Variants in CNTNAP5 observed in about 807,000 individuals in gnomAD.
The protein encoded by CNTNAP5 is contactin-associated protein-like 5.
CNTNAP5 carries 72 observed loss-of-function variants against 150.2 expected under a neutral mutation model. That is an observed-to-expected ratio of 0.48 (90% CI 0.40 to 0.58). CNTNAP5 has a LOEUF of 0.58. Ranked by LOEUF, CNTNAP5 falls within the 20% of genes least tolerant of loss-of-function variation. The pLI is 0.00. For synonymous variants in CNTNAP5, 672 were observed against 619.8 expected, an observed-to-expected ratio of 1.08 and a Z score of -1.25; for missense variants, 1,636 against 1,626.2, an observed-to-expected ratio of 1.01 and a Z score of -0.10.
At chr2:124,362,258 A>G (rs1333360643) in intron 3 of CNTNAP5, among the ~76,000 whole-genome samples, 1 of 152,212 alleles carries the variant, frequency 6.6e-6, no homozygotes, top group Non-Finnish European at 1.5e-5. Flanking sequence ...AAATGCAGAA[A>G]TCACCCGTCT....
chr2:124,254,548 G>C (rs1687262661), intron 3 of CNTNAP5, among the ~76,000 whole-genome samples: 1 of 152,178 alleles, frequency 6.6e-6, no homozygotes, highest in South Asian at 2.1e-4. Context: ...AATGTAAGTG[G>C]ATCTGGAAAC....
chr2:124,511,648 T>G (rs2104872586), intron 8 of CNTNAP5, among the ~76,000 whole-genome samples: 1 of 152,312 alleles, frequency 6.6e-6, no homozygotes, highest in South Asian at 2.1e-4. Flanking sequence ...AACCCACCCC[T>G]TATTATCTTC....
At chr2:124,787,582 G>A (rs1681625966) in intron 17 of CNTNAP5, among the ~76,000 whole-genome samples, 1 of 152,108 alleles carries the variant, frequency 6.6e-6, no homozygotes, top group African/African-American at 2.4e-5. Context: ...ATATATTTAT[G>A]AGTCTGCTGA....
In CNTNAP5 at chr2:124,472,561, T is replaced by TTA. The variant is rs1007079337; in HGVS notation, c.919-2165_919-2164dup. Among the ~76,000 whole-genome samples the TTA allele has an allele frequency of 1.7e-3, 256 of 150,140 alleles. 2 individuals carry two copies. The highest frequency in any genetic ancestry group is 3.5e-3 in the East Asian group (18 of 5,136). The stretch of plus-strand genomic sequence containing the variant: ...TATTAATTATATTGAATAAGGTGTT[T>TTA]TATATATATATATAAATACATATAT... On this transcript the variant is annotated intron_variant, in intron 6 of 23. Transcript: ENST00000682447.
chr2:124,781,355 C>A (rs773144086), intron 17 of CNTNAP5, among the ~76,000 whole-genome samples: 7 of 152,150 alleles, frequency 4.6e-5, no homozygotes, highest in Non-Finnish European at 7.3e-5. Flanking sequence ...CAACTCCATG[C>A]GGAGGCAGGC....
At chr2:124,852,966 T>A (rs1393721170) in intron 19 of CNTNAP5, among the ~76,000 whole-genome samples, 2 of 152,144 alleles carry the variant, frequency 1.3e-5, no homozygotes, top group African/African-American at 4.8e-5. Flanking sequence ...AAAGGGGAGC[T>A]TTTTGGTGAG....
chr2:124,422,321 T>C (rs915188610), intron 4 of CNTNAP5, among the ~76,000 whole-genome samples: 5 of 152,218 alleles, frequency 3.3e-5, no homozygotes, highest in African/African-American at 1.2e-4. Context: ...TTTGGAAATA[T>C]TAACATATTT....
At chr2:124,467,981 T>C (rs1693417433) in intron 6 of CNTNAP5, among the ~76,000 whole-genome samples, 1 of 152,140 alleles carries the variant, frequency 6.6e-6, no homozygotes. Context: ...TCTGTACTTT[T>C]TTCCTCTTCC....
At chr2:124,780,364 A>T (rs910614196) in intron 17 of CNTNAP5, among the ~76,000 whole-genome samples, 2 of 152,184 alleles carry the variant, frequency 1.3e-5, no homozygotes, top group East Asian at 1.9e-4. Context: ...AATTGGTGTA[A>T]TGGCTCCAGG....
chr2:124,240,659 GA>G (rs5834050), intron 2 of CNTNAP5, among the ~76,000 whole-genome samples: 58,322 of 146,740 alleles, frequency 0.4, 11,318 homozygotes, highest in South Asian at 0.51. Context: ...GGAATGGTGA[GA>G]AAAAAAAAAA....
chr2:124,409,866 C>G (rs1232812074), intron 3 of CNTNAP5, among the ~76,000 whole-genome samples: 1 of 151,832 alleles, frequency 6.6e-6, no homozygotes, highest in African/African-American at 2.4e-5. Context: ...GGATCAAATT[C>G]ACACATAACA....
chr2:124,474,147 C>G (rs926113159), intron 6 of CNTNAP5, among the ~76,000 whole-genome samples: 2 of 151,996 alleles, frequency 1.3e-5, no homozygotes, highest in Non-Finnish European at 2.9e-5. Context: ...ATTTACTTCC[C>G]ATTATATTAC....
rs996156549 is a variant in CNTNAP5 at position 124,361,415 on chromosome 2, C to T, written c.382-56028C>T. Among the ~76,000 whole-genome samples, 6 of 143,422 alleles carry T rather than the reference C, an allele frequency of 4.2e-5. 1 individual carries two copies. Among genetic ancestry groups the T allele is most frequent in the African/African-American group, 1.6e-4 (6 of 38,350 alleles). 94.1% of individuals were successfully genotyped at this position (143,422 alleles called of 152,430 possible). A position where few individuals can be genotyped will look rare whatever the true frequency, so the allele number is the denominator to read the frequency against. On this transcript the variant is annotated intron_variant, in intron 3 of 23. Transcript: ENST00000682447. ...TTTTAGAGTTTCCAGATTTTCTGTTCTGTTTTTTCCCCATCTTTGTGGTTT... is the reference window on the plus strand; with the variant it reads ...TTTTAGAGTTTCCAGATTTTCTGTTTTGTTTTTTCCCCATCTTTGTGGTTT...
chr2:124,070,396 GAAAAAAAAAAAAA>G (rs70996039), intron 1 of CNTNAP5, among the ~76,000 whole-genome samples: 1 of 72,960 alleles, frequency 1.4e-5, no homozygotes, highest in African/African-American at 5.6e-5. Context: ...GCTGAATGGG[GAAAAAAAAAAAAA>G]AAAAAAAAAA....
At chr2:124,233,792 T>G (rs1391043850) in intron 2 of CNTNAP5, among the ~76,000 whole-genome samples, 1 of 150,550 alleles carries the variant, frequency 6.6e-6, no homozygotes, top group Admixed American at 6.6e-5. Context: ...AGTTTATATA[T>G]ATATATATAT....
At chr2:124,706,785 GAAGA>G (rs1558742948) in intron 13 of CNTNAP5, among the ~76,000 whole-genome samples, 10 of 35,914 alleles carry the variant, frequency 2.8e-4, no homozygotes, top group Non-Finnish European at 1.1e-4. Flanking sequence ...AGAAGAAGAA[GAAGA>G]AGAAGAAGGA....
intron 1 of CNTNAP5, among the ~76,000 whole-genome samples, chr2:124,071,646 A>G (rs1396854600): frequency 6.6e-6 from 1 of 151,916 alleles, no homozygotes; most frequent in Non-Finnish European, 1.5e-5. Context: ...ACAGCCTGCC[A>G]AGATTGAACC....
At chr2:124,515,767 G>A (rs920906719) in intron 8 of CNTNAP5, among the ~76,000 whole-genome samples, 13 of 152,166 alleles carry the variant, frequency 8.5e-5, no homozygotes, top group African/African-American at 2.9e-4. Flanking sequence ...TATTTACTTG[G>A]AGCATAATGA....
chr2:124,601,949 G>A (rs1696994980), intron 11 of CNTNAP5, among the ~76,000 whole-genome samples: 2 of 152,186 alleles, frequency 1.3e-5, no homozygotes, highest in African/African-American at 4.8e-5. Context: ...GCTTTGGGGA[G>A]ACAACTGTAA....
Sources: gnomAD v4.1 joint callset for allele counts (sites outside exome capture counted in the v4.1 genomes callset) on GRCh38, gnomAD v4.1.1 for gene constraint, MANE v1.5 for transcripts, NCBI Gene and HGNC (gene_info 2026-07-23, HGNC 2026-07-21) for gene names.